The following RBFOX1 variants were observed in gnomAD, a reference collection of about 807,000 sequenced individuals.
RBFOX1 encodes the protein RNA binding fox-1 homolog 1, also known as RNA binding protein fox-1 homolog 1.
In RBFOX1, 8 loss-of-function variants were observed where a neutral mutation model predicts 57.7. The observed-to-expected ratio is 0.14, with a 90% CI of 0.08 to 0.25. The LOEUF is 0.25. RBFOX1 is among the 10% of genes least tolerant of loss of function. The probability of loss-of-function intolerance (pLI) is 1.00; values close to 1 mark genes in which losing one functional copy is unlikely to be tolerated. For synonymous variants in RBFOX1, 326 were observed against 222.4 expected (o/e 1.47, Z -4.15); for missense variants, 611 against 548.5 (o/e 1.11, Z -1.14).
intron 3 of RBFOX1, among the ~76,000 whole-genome samples, chr16:5,776,229 G>A (rs1476846443): frequency 2.0e-5 from 3 of 152,250 alleles, no homozygotes; most frequent in Non-Finnish European, 4.4e-5. Context: ...TTTCCGAGGA[G>A]TATTTGCACA....
intron 2 of RBFOX1, among the ~76,000 whole-genome samples, chr16:6,620,323 A>C (rs1227907498): frequency 2.6e-5 from 4 of 152,218 alleles, no homozygotes; most frequent in African/African-American, 4.8e-5. Flanking sequence ...AATATACCAG[A>C]ATCTCTGAGA....
chr16:6,519,736 C>A (rs2096462927), intron 2 of RBFOX1, among the ~76,000 whole-genome samples: 1 of 152,116 alleles, frequency 6.6e-6, no homozygotes, highest in Admixed American at 6.5e-5. Context: ...GCGAGAACTA[C>A]CAATTACCCA....
chr16:5,786,543 C>A (rs1446555242), intron 3 of RBFOX1, among the ~76,000 whole-genome samples: 1 of 152,134 alleles, frequency 6.6e-6, no homozygotes, highest in Admixed American at 6.5e-5. Context: ...TCTGCACTAC[C>A]CCAGTGTGGG....
At chr16:5,621,476 A>G (rs2048199640) in intron 3 of RBFOX1, among the ~76,000 whole-genome samples, 1 of 152,190 alleles carries the variant, frequency 6.6e-6, no homozygotes, top group African/African-American at 2.4e-5. Context: ...TACCGCTGTC[A>G]GTCATTGATG....
At chr16:6,799,270 G>A (rs1015902351) in intron 3 of RBFOX1, among the ~76,000 whole-genome samples, 1 of 152,100 alleles carries the variant, frequency 6.6e-6, no homozygotes, top group Admixed American at 6.5e-5. Flanking sequence ...CCCACAGGCC[G>A]AGTAGCACTC....
chr16:6,796,112 C>T (rs11644330), intron 3 of RBFOX1, among the ~76,000 whole-genome samples: 1 of 150,588 alleles, frequency 6.6e-6, no homozygotes, highest in Non-Finnish European at 1.5e-5. Context: ...GGGGAGGCCT[C>T]ACAGTCATGG....
intron 3 of RBFOX1, among the ~76,000 whole-genome samples, chr16:5,736,148 C>T (rs926428751): frequency 5.3e-5 from 8 of 152,030 alleles, no homozygotes; most frequent in South Asian, 4.2e-4. Flanking sequence ...CACGTGGACC[C>T]GTGGAGCCAC....
chr16:7,406,342 T>A (rs1426491962), intron 4 of RBFOX1, among the ~76,000 whole-genome samples: 1 of 152,172 alleles, frequency 6.6e-6, no homozygotes, highest in East Asian at 1.9e-4. Flanking sequence ...CTGCACTGCG[T>A]TATAGAAGAG....
rs1233310262 is a variant in RBFOX1, at chr16:7,316,589, G to A, written c.28-201558G>A. On this transcript the variant is annotated intron_variant, in intron 4 of 15. Transcript: ENST00000550418. The stretch of plus-strand genomic sequence containing the variant: ...CTTCATGGAGGTTACAAGTCTGTGG[G>A]AGAGAGACAGCCCATGAGCAAGTGA... Among the ~76,000 whole-genome samples, 5 of 152,206 alleles carry A rather than the reference G, an allele frequency of 3.3e-5. No individual in the cohort carries two copies. The East Asian group carries it at 9.6e-4, about 29-fold the overall frequency.
chr16:5,267,938 G>C (rs1365780458), intron 1 of RBFOX1, among the ~76,000 whole-genome samples: 9 of 152,164 alleles, frequency 5.9e-5, no homozygotes, highest in Non-Finnish European at 1.0e-4. Flanking sequence ...AATTAGCTTG[G>C]CATGGTGGCA....
chr16:6,002,466 C>G (rs1254692073), intron 4 of RBFOX1, among the ~76,000 whole-genome samples: 2 of 152,212 alleles, frequency 1.3e-5, no homozygotes, highest in Non-Finnish European at 2.9e-5. Flanking sequence ...GCATTTTGAA[C>G]TGATTTTGGT....
rs560716043 is a variant in RBFOX1 at position 5,490,310 on chromosome 16, C to T, written c.258+23056C>T. Among the ~76,000 whole-genome samples the T allele has an allele frequency of 4.2e-4, 64 of 152,296 alleles. 1 individual carries two copies. Among genetic ancestry groups the T allele is most frequent in the African/African-American group, 1.5e-3 (64 of 41,550 alleles). On this transcript the variant is annotated intron_variant, in intron 2 of 2. Coordinates refer to the RBFOX1 transcript ENST00000585867. ...TTTCATTAAGTCCTCATTGCAACCCCACGATGTGGGTGGTATCACCTGCCC... is the reference window on the plus strand; with the variant it reads ...TTTCATTAAGTCCTCATTGCAACCCTACGATGTGGGTGGTATCACCTGCCC...
intron 2 of RBFOX1, among the ~76,000 whole-genome samples, chr16:6,387,698 A>T (rs543186467): frequency 6.6e-6 from 1 of 152,012 alleles, no homozygotes; most frequent in East Asian, 1.9e-4. Flanking sequence ...TTTCTTTTTT[A>T]TTTGTTTTGA....
chr16:7,691,130 G>A (rs918555383), intron 14 of RBFOX1, among the ~76,000 whole-genome samples: 2 of 152,032 alleles, frequency 1.3e-5, no homozygotes, highest in Non-Finnish European at 2.9e-5. Context: ...AAATAAAATA[G>A]TACAGAATGG....
At chr16:5,978,339 A>T (rs1415743017) in intron 4 of RBFOX1, among the ~76,000 whole-genome samples, 1 of 151,714 alleles carries the variant, frequency 6.6e-6, no homozygotes, top group East Asian at 1.9e-4. Context: ...AAAATAAAAA[A>T]TAAAAAAAAT....
At chr16:7,295,009 C>T (rs981014628) in intron 4 of RBFOX1, among the ~76,000 whole-genome samples, 1 of 151,996 alleles carries the variant, frequency 6.6e-6, no homozygotes, top group African/African-American at 2.4e-5. Context: ...TTGTGAAGAT[C>T]AGAAAAAAAT....
In RBFOX1 at chr16:7,641,720, G is replaced by A. The variant is rs577723889; in HGVS notation, c.757+11037G>A. 4.6e-5 allele frequency among the ~76,000 whole-genome samples: 7 copies of A among 152,216 alleles called. No homozygotes were observed. In the South Asian group the frequency reaches 6.2e-4, roughly 14 times the overall value. ...TACAGCATTTTTCTTGAGCTACAGC[G>A]TGACTTAGTGAAAAGAGCTGGATTC... On this transcript the variant is annotated intron_variant, in intron 11 of 15. Transcript: ENST00000550418.
At chr16:7,637,064 A>C (rs149191527) in intron 11 of RBFOX1, among the ~76,000 whole-genome samples, 3 of 152,274 alleles carry the variant, frequency 2.0e-5, no homozygotes, top group Non-Finnish European at 2.9e-5. Context: ...CAGGGATGTC[A>C]GTTTTATTTG....
intron 4 of RBFOX1, among the ~76,000 whole-genome samples, chr16:7,233,557 G>C (rs1603418765): frequency 6.6e-6 from 1 of 152,140 alleles, no homozygotes; most frequent in South Asian, 2.1e-4. Flanking sequence ...ATTTTACAAA[G>C]TCTATTTTGC....
Sources: allele counts gnomAD v4.1 joint callset (sites outside exome capture counted in the v4.1 genomes callset), GRCh38; gene constraint gnomAD v4.1.1; transcripts MANE v1.5; gene names NCBI Gene and HGNC (gene_info 2026-07-23, HGNC 2026-07-21).